The following ZC3H3 variants were observed in gnomAD, a reference collection of about 807,000 sequenced individuals.
ZC3H3 encodes the protein zinc finger CCCH-type containing 3.
Under a neutral mutation model 77.3 loss-of-function variants are expected in ZC3H3, and 36 were observed. That is an observed-to-expected ratio of 0.47 (90% confidence interval 0.36 to 0.61). ZC3H3 has a LOEUF of 0.61. Ranked by LOEUF, ZC3H3 falls within the 20% of genes least tolerant of loss-of-function variation. The pLI is 0.00. For missense variants in ZC3H3, 1,331 were observed against 1,312.2 expected, an observed-to-expected ratio of 1.01 and a Z score of -0.22; for synonymous variants, 626 against 555.2, an observed-to-expected ratio of 1.13 and a Z score of -1.79.
At chr8:143,540,638 T>C (rs986171661) in intron 1 of ZC3H3, among the ~76,000 whole-genome samples, 1 of 152,184 alleles carries the variant, frequency 6.6e-6, no homozygotes, top group Non-Finnish European at 1.5e-5. Context: ...GGAGTGTGAC[T>C]GTTCGGAGAA....
At chr8:143,529,646 G>A (rs1822537448) in intron 3 of ZC3H3, among the ~76,000 whole-genome samples, 1 of 152,212 alleles carries the variant, frequency 6.6e-6, no homozygotes, top group South Asian at 2.1e-4. Flanking sequence ...GGGCTCTGGG[G>A]AGGCTGCCTT....
chr8:143,518,348 C>T (rs1051183469), intron 3 of ZC3H3, among the ~76,000 whole-genome samples: 7 of 152,340 alleles, frequency 4.6e-5, no homozygotes, highest in East Asian at 3.9e-4. Flanking sequence ...GGCTGCCGGG[C>T]GGCACGGAGA....
rs1473754490 is a variant in ZC3H3 at position 143,438,059 on chromosome 8, C to T, written c.2844G>A (p.Leu948=). The T allele has an allele frequency of 2.5e-6, 4 of 1,611,146 alleles. No homozygotes were observed. The highest frequency in any genetic ancestry group is 8.5e-7 in the Non-Finnish European group (1 of 1,178,976). The change falls in exon 12 of 12, where the codon CTG becomes CTA. Residue 948 remains leucine, a synonymous_variant. Transcript: ENST00000262577. ...SGKPLHIKPR[L] Reference sequence around the variant, plus strand: ...TGCAGGCCGGTCCCTGGGGTCCTCACAGACGTGGTTTGATGTGCAGAGGCT... The same window carrying T: ...TGCAGGCCGGTCCCTGGGGTCCTCATAGACGTGGTTTGATGTGCAGAGGCT...
chr8:143,476,339 C>T (rs1405082135), intron 4 of ZC3H3, among the ~76,000 whole-genome samples: 4 of 152,156 alleles, frequency 2.6e-5, no homozygotes, highest in Non-Finnish European at 5.9e-5. Context: ...CTGAAGAGGC[C>T]GCGACAGCCC....
intron 11 of ZC3H3, among the ~76,000 whole-genome samples, chr8:143,438,662 T>C (rs1819645855): frequency 6.6e-6 from 1 of 152,082 alleles, no homozygotes; most frequent in South Asian, 2.1e-4. Flanking sequence ...GCCCCATGAA[T>C]GTTCACTCAC....
At chr8:143,503,368 G>A (rs1021177963) in intron 4 of ZC3H3, among the ~76,000 whole-genome samples, 1 of 152,092 alleles carries the variant, frequency 6.6e-6, no homozygotes, top group African/African-American at 2.4e-5. Flanking sequence ...CCCATCCTCA[G>A]AGACCCTGGC....
chr8:143,463,323 A>C (rs957859497), intron 9 of ZC3H3, among the ~76,000 whole-genome samples: 10 of 152,168 alleles, frequency 6.6e-5, no homozygotes, highest in Admixed American at 5.9e-4. Flanking sequence ...AGGAGCCAGG[A>C]GCGGCTGTCC....
At chr8:143,527,988 C>T (rs979961681) in intron 3 of ZC3H3, among the ~76,000 whole-genome samples, 1 of 152,226 alleles carries the variant, frequency 6.6e-6, no homozygotes, top group African/African-American at 2.4e-5. Context: ...CTCCTGCATC[C>T]GGCAAAGGTC....
At chr8:143,476,555 C>G (rs1485248285) in intron 4 of ZC3H3, among the ~76,000 whole-genome samples, 1 of 152,180 alleles carries the variant, frequency 6.6e-6, no homozygotes. Context: ...GACCCTCGGG[C>G]AAGCAGCCCC....
At chr8:143,468,148 C>T in intron 8 of ZC3H3, 61 bp downstream of exon 8, 1 of 1,571,454 alleles carries the variant, frequency 6.4e-7, no homozygotes, top group Non-Finnish European at 8.7e-7. Context: ...TGCCCGGAGG[C>T]CAGGTGGCTG....
At chr8:143,497,700 G>A (rs759463072) in intron 4 of ZC3H3, among the ~76,000 whole-genome samples, 1 of 152,220 alleles carries the variant, frequency 6.6e-6, no homozygotes, top group Non-Finnish European at 1.5e-5. Context: ...CACACCTGCC[G>A]GCCAGCAGCC....
intron 4 of ZC3H3, among the ~76,000 whole-genome samples, chr8:143,478,467 C>T (rs996604640): frequency 6.6e-6 from 1 of 152,202 alleles, no homozygotes; most frequent in Non-Finnish European, 1.5e-5. Flanking sequence ...TTCAGGACCT[C>T]GGCCTGGCTG....
intron 9 of ZC3H3, among the ~76,000 whole-genome samples, chr8:143,441,393 C>T (rs1819738565): frequency 6.6e-6 from 1 of 152,140 alleles, no homozygotes; most frequent in Non-Finnish European, 1.5e-5. Flanking sequence ...AGCGTGGGGA[C>T]TCCCAGAGCC....
intron 9 of ZC3H3, among the ~76,000 whole-genome samples, chr8:143,452,312 G>C (rs989790409): frequency 6.6e-6 from 1 of 151,054 alleles, no homozygotes; most frequent in Non-Finnish European, 1.5e-5. Flanking sequence ...AGGGAGGGAA[G>C]GTTCAGGGAA....
chr8:143,443,063 G>C (rs1440499541), intron 9 of ZC3H3, among the ~76,000 whole-genome samples: 1 of 152,098 alleles, frequency 6.6e-6, no homozygotes. Flanking sequence ...CTTGAGGTCA[G>C]GAATTCGAGA....
intron 2 of ZC3H3, 42 bp from the exon 3 acceptor site, chr8:143,536,495 G>A: frequency 6.9e-7 from 1 of 1,451,402 alleles, no homozygotes; most frequent in Non-Finnish European, 9.1e-7. Context: ...AAGCCCTGGG[G>A]GTTCTGCCCA....
At position 143,493,861 on chromosome 8, in the gene ZC3H3, A is replaced by G. The variant is rs1821272045; in HGVS notation, c.1715+13885T>C. Among the ~76,000 whole-genome samples, 1 of 152,234 alleles carries G rather than the reference A, an allele frequency of 6.6e-6. No individual in the cohort carries two copies. The highest frequency in any genetic ancestry group is 2.1e-4 in the South Asian group (1 of 4,838). On this transcript the variant is annotated intron_variant, in intron 4 of 11. Coordinates refer to ENST00000262577, the MANE Select transcript of ZC3H3 (RefSeq NM_015117.3). This position sits in a 1 kb window ranked among gnomAD's most constrained non-coding sequence, Gnocchi z 4.8. ...GAGTGGTTTAAATTGAAAACCCCCA[A>G]CTGAATCAATATTTACTGCATTGAA...
At chr8:143,506,585 T>A (rs1376363828) in intron 4 of ZC3H3, among the ~76,000 whole-genome samples, 1 of 152,058 alleles carries the variant, frequency 6.6e-6, no homozygotes, top group Non-Finnish European at 1.5e-5. Flanking sequence ...TTTGCAGAAA[T>A]AGCCCCCGAG....
chr8:143,540,740 G>T (rs1048328295), intron 1 of ZC3H3, among the ~76,000 whole-genome samples: 3 of 151,962 alleles, frequency 2.0e-5, no homozygotes, highest in African/African-American at 4.8e-5. Flanking sequence ...TGAATCACCT[G>T]AGGTCGGGAG....
Sources: gnomAD v4.1 joint callset for allele counts (sites outside exome capture counted in the v4.1 genomes callset) on GRCh38, gnomAD v4.1.1 for gene constraint, Gnocchi (gnomAD v3.1) non-coding constraint, MANE v1.5 for transcripts, NCBI Gene and HGNC (gene_info 2026-07-23, HGNC 2026-07-21) for gene names.